The following CSNK2A2 variants were observed in gnomAD, a reference collection of about 807,000 sequenced individuals.
CSNK2A2 encodes casein kinase 2 alpha 2, also known as casein kinase II subunit alpha'.
In CSNK2A2, 8 loss-of-function variants were observed where a neutral mutation model predicts 54.0. That is an observed-to-expected ratio of 0.15 (90% CI 0.09 to 0.27). CSNK2A2 has a LOEUF of 0.27. CSNK2A2 is among the 10% of genes least tolerant of loss of function. The probability of loss-of-function intolerance (pLI) is 1.00; values close to 1 mark genes in which losing one functional copy is unlikely to be tolerated. For missense variants in CSNK2A2, 242 were observed against 439.4 expected (o/e 0.55, Z 4.02); for synonymous variants, 141 against 153.9 (o/e 0.92, Z 0.62).
At chr16:58,178,177 A>G (rs982690023) in intron 4 of CSNK2A2, among the ~76,000 whole-genome samples, 11 of 152,178 alleles carry the variant, frequency 7.2e-5, no homozygotes, top group South Asian at 4.1e-4. Context: ...CCAAATATCA[A>G]TATGATTCTA....
rs1372917857 is a variant in CSNK2A2, at chr16:58,184,256, G to A, written c.369+4C>T. 1.9e-6 allele frequency: 3 copies of A among 1,599,338 alleles called. No individual in the cohort carries two copies. The highest frequency in any genetic ancestry group is 2.6e-6 in the Non-Finnish European group (3 of 1,170,048). ...CCCCATGCCAGAAAGAAAAGCATAC[G>A]CACCTTAAAATCTGTATTATTGATA... On this transcript the variant is annotated splice_donor_region_variant and intron_variant, in intron 4 of 11. Coordinates refer to ENST00000262506, the MANE Select transcript of CSNK2A2 (RefSeq NM_001896.4).
At chr16:58,166,746 A>G (rs1451070623) in intron 8 of CSNK2A2, 62 bp from the exon 9 acceptor site, 4 of 1,164,436 alleles carry the variant, frequency 3.4e-6, no homozygotes, top group African/African-American at 3.0e-5. Context: ...GCCCGTGAGG[A>G]CACTGCACCA....
At chr16:58,186,943 T>G in intron 2 of CSNK2A2, 87 bp from the exon 3 acceptor site, 4 of 1,015,680 alleles carry the variant, frequency 3.9e-6, no homozygotes, top group South Asian at 1.4e-5. Context: ...ATCAGATGGA[T>G]AGTACGCTAT....
intron 10 of CSNK2A2, 77 bp from the exon 11 acceptor site, chr16:58,164,224 C>G: frequency 7.3e-7 from 1 of 1,367,908 alleles, no homozygotes; most frequent in East Asian, 2.3e-5. Flanking sequence ...CCCACCCTTT[C>G]AACGGAAAGA....
chr16:58,178,645 T>G (rs1014568332), intron 4 of CSNK2A2, among the ~76,000 whole-genome samples: 2 of 152,232 alleles, frequency 1.3e-5, no homozygotes, highest in African/African-American at 4.8e-5. Flanking sequence ...AGACTGACTT[T>G]TCTCATTCAT....
chr16:58,177,765 G>A (rs963678537), intron 4 of CSNK2A2, among the ~76,000 whole-genome samples: 1 of 152,208 alleles, frequency 6.6e-6, no homozygotes, highest in African/African-American at 2.4e-5. Flanking sequence ...TCCCTGTCAT[G>A]TGTAGAGAGA....
In CSNK2A2 at chr16:58,165,846, A is replaced by G. The variant is rs1313435551; in HGVS notation, c.828-138T>C. On this transcript the variant is annotated intron_variant, in intron 9 of 11. Transcript: ENST00000262506. ...TAAATCTCTAACTGGTGCCTGCCCT[A>G]CGGCCCCATAGTTACAGCATAGCAT... 8.1e-6 allele frequency: 7 copies of G among 866,934 alleles called. No individual in the cohort carries two copies. The African/African-American group carries it at 1.2e-4, about 15-fold the overall frequency. The allele number at this position is 866,934 out of a possible 1,614,324, so 53.7% of individuals were successfully genotyped here.
rs530464098 is a variant in CSNK2A2, at chr16:58,197,114, C to A, written c.105-270G>T. 5 of 435,782 alleles carry A rather than the reference C, an allele frequency of 1.1e-5. No individual in the cohort carries two copies. The South Asian group carries it at 1.2e-4, about 11-fold the overall frequency. 27.0% of individuals were successfully genotyped at this position (435,782 alleles called of 1,614,324 possible). A position where few individuals can be genotyped will look rare whatever the true frequency, so the allele number is the denominator to read the frequency against. ...AATCCAGAGGGGCGAGCAAAGCACC[C>A]GTCCTGAAGGCCTAGAGGGTGCCCC... On this transcript the variant is annotated intron_variant, in intron 1 of 11. Transcript: ENST00000262506. This position sits in a 1 kb window ranked among gnomAD's most constrained non-coding sequence, Gnocchi z 4.0.
At chr16:58,171,975 ATATATTTT>A (rs1450454142) in intron 5 of CSNK2A2, among the ~76,000 whole-genome samples, 1 of 36,166 alleles carries the variant, frequency 2.8e-5, no homozygotes, top group African/African-American at 1.6e-4. Context: ...ATATATATAT[ATATATTTT>A]TTTTTTTTTT....
chr16:58,166,983 T>C (rs769767902), intron 8 of CSNK2A2, among the ~76,000 whole-genome samples: 2 of 152,242 alleles, frequency 1.3e-5, no homozygotes, highest in Non-Finnish European at 2.9e-5. Context: ...GGTGCCTGAC[T>C]TCTTCACAGA....
chr16:58,167,368 A>G (rs1319396519), intron 7 of CSNK2A2, 60 bp from the exon 8 acceptor site: 1 of 1,379,186 alleles, frequency 7.3e-7, no homozygotes, highest in African/African-American at 1.4e-5. Flanking sequence ...TTCTGATATA[A>G]ATTTCTTTTT....
At chr16:58,187,935 G>C (rs1962232514) in intron 2 of CSNK2A2, among the ~76,000 whole-genome samples, 1 of 151,456 alleles carries the variant, frequency 6.6e-6, no homozygotes, top group Non-Finnish European at 1.5e-5. Flanking sequence ...AAGGAAAAAA[G>C]AGTATTTTAT....
intron 5 of CSNK2A2, among the ~76,000 whole-genome samples, chr16:58,173,299 A>G (rs1393203): frequency 2.0e-5 from 3 of 152,200 alleles, no homozygotes; most frequent in Non-Finnish European, 4.4e-5. Flanking sequence ...AGCTTTCTCT[A>G]ATAAAAAGTG....
At chr16:58,159,557 T>C (rs2142399177) in intron 11 of CSNK2A2, 1 of 152,380 alleles carries the variant, frequency 6.6e-6, no homozygotes, top group South Asian at 2.1e-4. Flanking sequence ...TAGCAATGGT[T>C]TGTCTCCCAC....
intron 4 of CSNK2A2, among the ~76,000 whole-genome samples, chr16:58,175,764 C>T (rs932925748): frequency 2.6e-5 from 4 of 152,144 alleles, no homozygotes; most frequent in African/African-American, 2.4e-5. Context: ...CAAGTTTCCC[C>T]CTTTAGGTAA....
chr16:58,196,862 A>G lies in CSNK2A2; in HGVS notation c.105-18T>C. Reference sequence around the variant, plus strand: ...CTTGATTACTGTAAAAGGAAGACACACACATAAATGCCAGGACTGGGGGTT... The same window carrying G: ...CTTGATTACTGTAAAAGGAAGACACGCACATAAATGCCAGGACTGGGGGTT... On this transcript the variant is annotated intron_variant, in intron 1 of 11. Transcript: ENST00000262506. The G allele has an allele frequency of 6.6e-7, 1 of 1,507,618 alleles. No homozygotes were observed. Among genetic ancestry groups the G allele is most frequent in the Non-Finnish European group, 9.2e-7 (1 of 1,082,818 alleles). 93.4% of individuals were successfully genotyped at this position (1,507,618 alleles called of 1,614,324 possible). A position where few individuals can be genotyped will look rare whatever the true frequency, so the allele number is the denominator to read the frequency against.
chr16:58,161,934 GT>G (rs1032754070), intron 11 of CSNK2A2: 1 of 152,224 alleles, frequency 6.6e-6, no homozygotes, highest in Non-Finnish European at 1.5e-5. Context: ...CTACATCACC[GT>G]CAGAGAGACA....
chr16:58,175,424 TGAAA>T (rs1961852049), intron 4 of CSNK2A2, among the ~76,000 whole-genome samples: 1 of 152,166 alleles, frequency 6.6e-6, no homozygotes, highest in African/African-American at 2.4e-5. Context: ...GTTCTTCTAT[TGAAA>T]GAGAGACTCA....
In CSNK2A2 at chr16:58,165,565, T is replaced by C; in HGVS notation, c.971A>G (p.Tyr324Cys). ...LTAKEAMEHPYFYPVVKEQSQ... is the reference protein window; with the variant it reads ...LTAKEAMEHPCFYPVVKEQSQ... The stretch of plus-strand genomic sequence containing the variant: ...CACAGTCCCTGGAGACTCACAGAAG[T>C]ATGGGTGCTCCATGGCCTCTTTGGC... The change falls in exon 10 of 12, where the codon TAC becomes TGC. Residue 324 changes from tyrosine to cysteine, a missense_variant. Coordinates refer to ENST00000262506, the MANE Select transcript of CSNK2A2 (RefSeq NM_001896.4). The C allele has an allele frequency of 6.2e-7, 1 of 1,611,580 alleles. No homozygotes were observed. Among genetic ancestry groups the C allele is most frequent in the Non-Finnish European group, 8.5e-7 (1 of 1,179,262 alleles).
Sources: gnomAD v4.1 joint callset for allele counts (sites outside exome capture counted in the v4.1 genomes callset) on GRCh38, gnomAD v4.1.1 for gene constraint, Gnocchi (gnomAD v3.1) non-coding constraint, MANE v1.5 for transcripts, NCBI Gene and HGNC (gene_info 2026-07-23, HGNC 2026-07-21) for gene names.